The following KTI12 variants were observed in gnomAD, a reference collection of about 807,000 sequenced individuals.
The protein encoded by KTI12 is KTI12 chromatin associated homolog.
A neutral mutation model predicts 8.8 loss-of-function variants in KTI12; 8 were observed. The ratio of observed to expected loss-of-function variants is 0.91; its 90% CI spans 0.53 to 1.64. KTI12 has a LOEUF of 1.64. Among genes scored for constraint, KTI12 ranks in the 40% most tolerant of loss-of-function variants. The pLI is 0.00. For missense variants in KTI12, 490 were observed against 492.1 expected (o/e 1.00, Z 0.04); for synonymous variants, 216 against 220.1 (o/e 0.98, Z 0.17).
Position 52,033,732 on chromosome 1 carries a change from C to T in KTI12, c.30G>A (p.Pro10=), listed in dbSNP as rs775689510. Residue 10 remains proline, a synonymous_variant, in exon 1 of 1, where the codon CCG becomes CCA. Coordinates refer to ENST00000371614, the MANE Select transcript of KTI12 (RefSeq NM_138417.3). MPLVVFCGL[P]YSGKSRRAEE... is the part of the protein sequence containing the mutation. ...CAGCACGCCGGCTCTTGCCGCTGTA[C>T]GGCAGCCCGCAAAACACCACGAGCG... 3.7e-6 allele frequency: 6 copies of T among 1,606,404 alleles called. No individual in the cohort carries two copies. The highest frequency in any genetic ancestry group is 2.7e-5 in the African/African-American group (2 of 74,936).
rs574449882 is a variant in KTI12, at chr1:52,033,081, C to T, written c.681G>A (p.Arg227=). ...EAPDSRNRWD[R]PLFTLVGLEE... ...CTAGGCCCACCAAAGTGAATAAAGG[C>T]CGGTCCCAGCGATTCCGAGAATCGG... The change falls in exon 1 of 1, where the codon CGG becomes CGA. Residue 227 remains arginine, a synonymous_variant. Transcript: ENST00000371614. 6.2e-7 allele frequency: 1 copy of T among 1,607,574 alleles called. No homozygotes were observed. Among genetic ancestry groups the T allele is most frequent in the East Asian group, 2.2e-5 (1 of 44,878 alleles).
rs1283343602 is a variant in KTI12, at chr1:52,032,988, C to T, written c.774G>A (p.Gln258=). Residue 258 remains glutamine (Q), a synonymous_variant, in exon 1 of 1, where the codon CAG becomes CAA. Transcript: ENST00000371614. ...AGGCGAGGGGCTGGGACTGCGTAGA[C>T]TGATGGGGTGGTGGGGCCCGGTTCT... The part of the protein sequence containing the change: ...LFENRAPPPH[Q]STQSQPLASG... 6.4e-7 allele frequency: 1 copy of T among 1,567,032 alleles called. No individual in the cohort carries two copies.
Position 52,032,566 on chromosome 1 carries a change from G to A in KTI12, c.*131C>T, listed in dbSNP as rs1001940561. 2.1e-6 allele frequency: 3 copies of A among 1,413,718 alleles called. No individual in the cohort carries two copies. Among genetic ancestry groups the A allele is most frequent in the East Asian group, 2.5e-5 (1 of 39,406 alleles). 87.6% of individuals were successfully genotyped at this position (1,413,718 alleles called of 1,614,324 possible). A position where few individuals can be genotyped will look rare whatever the true frequency, so the allele number is the denominator to read the frequency against. On this transcript the variant is annotated 3_prime_UTR_variant, in exon 1 of 1. Coordinates refer to ENST00000371614, the MANE Select transcript of KTI12 (RefSeq NM_138417.3). Reference sequence around the variant, plus strand: ...GGCACAGGGGTATGCAGGAAAGTTTGAGTGAATCAGTCACAACAGCTCTAG... The same window carrying A: ...GGCACAGGGGTATGCAGGAAAGTTTAAGTGAATCAGTCACAACAGCTCTAG...
chr1:52,032,889 G>A lies in KTI12; in HGVS notation c.873C>T (p.Ser291=), dbSNP rs139211822. 62 of 1,613,300 alleles carry A rather than the reference G, an allele frequency of 3.8e-5. No homozygotes were observed. The African/African-American group carries it at 7.6e-4, about 20-fold the overall frequency. ...GCGTGAGCAAGTCCCCGGGGACAGC[G>A]CTCTTCTGCGCTTCCATCAATCCGG... The part of the protein sequence containing the change: ...VLAGLMEAQK[S]AVPGDLLTLP... The change falls in exon 1 of 1, where the codon AGC becomes AGT. Residue 291 remains serine, a synonymous_variant. Transcript: ENST00000371614.
At position 52,032,909 on chromosome 1, in the gene KTI12, A is replaced by T; in HGVS notation, c.853T>A (p.Leu285Met). The change falls in exon 1 of 1, where the codon TTG (leucine) becomes ATG (methionine). Residue 285 changes from leucine to methionine, a missense_variant. By Grantham distance (15) the Leu-to-Met change is conservative. Transcript: ENST00000371614. ...ACAGCGCTCTTCTGCGCTTCCATCA[A>T]TCCGGCCAGTACTTGACTCGTGACC... is the stretch of plus-strand genomic sequence containing the variant. Reference protein sequence around the residue: ...DQVTSQVLAGLMEAQKSAVPG... With the variant: ...DQVTSQVLAGMMEAQKSAVPG... The T allele has an allele frequency of 1.2e-6, 2 of 1,612,304 alleles. No homozygotes were observed. Among genetic ancestry groups the T allele is most frequent in the Non-Finnish European group, 1.7e-6 (2 of 1,179,236 alleles).
rs758378678 is a variant in KTI12 at position 52,033,696 on chromosome 1, G to A, written c.66C>T (p.Arg22=). Residue 22 remains arginine (R), a synonymous_variant, in exon 1 of 1, where the codon CGC becomes CGT. Coordinates refer to ENST00000371614, the MANE Select transcript of KTI12 (RefSeq NM_138417.3). ...SGKSRRAEEL[R]VALAAEGRAV... ...CGCGGCCCTCGGCAGCCAGCGCCAC[G>A]CGCAACTCTTCAGCACGCCGGCTCT... 8 of 1,611,188 alleles carry A rather than the reference G, an allele frequency of 5.0e-6. No individual in the cohort carries two copies. The highest frequency in any genetic ancestry group is 3.3e-5 in the South Asian group (3 of 90,992).
chr1:52,032,490 A>C lies in KTI12; in HGVS notation c.*207T>G. On this transcript the variant is annotated 3_prime_UTR_variant, in exon 1 of 1. Transcript: ENST00000371614. ...TGAGGGATTTGCCAGGTTGCACCAC[A>C]ATAGTTCTCCATTCTCTTTAGTCTG... The C allele has an allele frequency of 7.4e-7, 1 of 1,344,200 alleles. No homozygotes were observed. The highest frequency in any genetic ancestry group is 2.1e-5 in the South Asian group (1 of 46,840). 83.3% of individuals were successfully genotyped at this position (1,344,200 alleles called of 1,614,324 possible).
chr1:52,033,620 C>A lies in KTI12; in HGVS notation c.142G>T (p.Val48Leu). ...TTCTCACGGGCAGAATCGCCGTACA[C>A]CGCTGGGTCCTCTGCGCCCAGGACA... ...AAVLGAEDPAVYGDSAREKAL... is the reference protein window; with the variant it reads ...AAVLGAEDPALYGDSAREKAL... Residue 48 changes from valine to leucine, a missense_variant, in exon 1 of 1, where the codon GTG becomes TTG. Transcript: ENST00000371614. 1 of 1,612,524 alleles carries A rather than the reference C, an allele frequency of 6.2e-7. No homozygotes were observed. Among genetic ancestry groups the A allele is most frequent in the Non-Finnish European group, 8.5e-7 (1 of 1,179,910 alleles).
chr1:52,033,237 C>T lies in KTI12; in HGVS notation c.525G>A (p.Glu175=). Residue 175 remains glutamate, a synonymous_variant, in exon 1 of 1, where the codon GAG becomes GAA. Coordinates refer to ENST00000371614, the MANE Select transcript of KTI12 (RefSeq NM_138417.3). ...ACTCCGCAGCCCCGGATTCTTCTCG[C>T]TCCAGTTCCTTGGGTACGTCGGCCT... The part of the protein sequence containing the change: ...SAQADVPKEL[E]REESGAAESP... 2 of 1,614,066 alleles carry T rather than the reference C, an allele frequency of 1.2e-6. No individual in the cohort carries two copies. The highest frequency in any genetic ancestry group is 1.7e-6 in the Non-Finnish European group (2 of 1,179,974).
chr1:52,033,752 C>A lies in KTI12; in HGVS notation c.10G>T (p.Val4Leu). ...CTGTACGGCAGCCCGCAAAACACCA[C>A]GAGCGGCATCCTCTCAGGGAGCGAC... The part of the protein sequence containing the change: MPL[V>L]VFCGLPYSGK... Residue 4 changes from valine to leucine, a missense_variant, in exon 1 of 1, where the codon GTG becomes TTG. By Grantham distance (32) the Val-to-Leu change is conservative. Transcript: ENST00000371614. 6.3e-7 allele frequency: 1 copy of A among 1,597,610 alleles called. No homozygotes were observed. The highest frequency in any genetic ancestry group is 8.5e-7 in the Non-Finnish European group (1 of 1,171,184).
rs1557993098 is a variant in KTI12 at position 52,033,171 on chromosome 1, CT to C, written c.590del (p.Lys197SerfsTer16). Reference sequence around the variant, plus strand: ...GAGAGTAAAAGGCACCGGACCCATGCTTTGCAGATTTCTCTGAATCCGGAGT... The same window carrying C: ...GAGAGTAAAAGGCACCGGACCCATGCTTGCAGATTTCTCTGAATCCGGAGT... The part of the protein sequence containing the change: ...LVTPDSEKSA[K>X]HGSGAFYSPE... On this transcript the variant is annotated frameshift_variant, in exon 1 of 1. Transcript: ENST00000371614. LOFTEE classifies it high-confidence loss of function. 10 of 1,614,244 alleles carry C rather than the reference CT, an allele frequency of 6.2e-6. No individual in the cohort carries two copies. The highest frequency in any genetic ancestry group is 3.3e-5 in the Admixed American group (2 of 60,036).
rs1685780222 is a variant in KTI12, at chr1:52,032,471, A to ACAG, written c.*225_*226insCTG. 1 of 1,312,054 alleles carries ACAG rather than the reference A, an allele frequency of 7.6e-7. No homozygotes were observed. The highest frequency in any genetic ancestry group is 3.7e-5 in the Admixed American group (1 of 27,376). The allele number at this position is 1,312,054 out of a possible 1,614,324, so 81.3% of individuals were successfully genotyped here. A position where few individuals can be genotyped will look rare whatever the true frequency, so the allele number is the denominator to read the frequency against. On this transcript the variant is annotated 3_prime_UTR_variant, in exon 1 of 1. Coordinates refer to ENST00000371614, the MANE Select transcript of KTI12 (RefSeq NM_138417.3). ...CCACCTTAGCTCTGTCCTCTGAGGG[A>ACAG]TTTGCCAGGTTGCACCACAATAGTT...
Position 52,032,400 on chromosome 1 carries a change from A to G in KTI12, c.*297T>C, listed in dbSNP as rs2124368190. 8.7e-7 allele frequency: 1 copy of G among 1,147,880 alleles called. No individual in the cohort carries two copies. Among genetic ancestry groups the G allele is most frequent in the Middle Eastern group, 3.6e-4 (1 of 2,740 alleles). The allele number at this position is 1,147,880 out of a possible 1,614,324, so 71.1% of individuals were successfully genotyped here. Reference sequence around the variant, plus strand: ...CTCAGATGAGGGAAGCCAATGGTCAATGCTCTGTGATAGCCCAAGTAGGAT... The same window carrying G: ...CTCAGATGAGGGAAGCCAATGGTCAGTGCTCTGTGATAGCCCAAGTAGGAT... On this transcript the variant is annotated 3_prime_UTR_variant, in exon 1 of 1. Transcript: ENST00000371614.
Position 52,033,504 on chromosome 1 carries a change from A to C in KTI12, c.258T>G (p.Gly86=), listed in dbSNP as rs773508387. The C allele has an allele frequency of 1.9e-6, 3 of 1,613,828 alleles. No homozygotes were observed. Among genetic ancestry groups the C allele is most frequent in the Non-Finnish European group, 2.5e-6 (3 of 1,179,884 alleles). ...CCAGGCAGTAGAGCTCGTAACGGAA[A>C]CCTTTGATGTAGTTAAGCGAGTCCA... ...VILDSLNYIK[G]FRYELYCLAR... is the part of the protein sequence containing the mutation. Residue 86 remains glycine (G), a synonymous_variant, in exon 1 of 1, where the codon GGT becomes GGG. Coordinates refer to ENST00000371614, the MANE Select transcript of KTI12 (RefSeq NM_138417.3).
rs368471325 is a variant in KTI12, at chr1:52,032,576, G to C, written c.*121C>G. On this transcript the variant is annotated 3_prime_UTR_variant, in exon 1 of 1. Transcript: ENST00000371614. ...TATGCAGGAAAGTTTGAGTGAATCAGTCACAACAGCTCTAGTACAGTACTG... is the reference window on the plus strand; with the variant it reads ...TATGCAGGAAAGTTTGAGTGAATCACTCACAACAGCTCTAGTACAGTACTG... 1.4e-5 allele frequency: 20 copies of C among 1,431,100 alleles called. No homozygotes were observed. In the African/African-American group the frequency reaches 2.1e-4, roughly 15 times the overall value. 88.7% of individuals were successfully genotyped at this position (1,431,100 alleles called of 1,614,324 possible). A position where few individuals can be genotyped will look rare whatever the true frequency, so the allele number is the denominator to read the frequency against.
In KTI12 at chr1:52,033,595, T is replaced by G; in HGVS notation, c.167A>C (p.Lys56Thr). 6.2e-7 allele frequency: 1 copy of G among 1,613,350 alleles called. No homozygotes were observed. The highest frequency in any genetic ancestry group is 8.5e-7 in the Non-Finnish European group (1 of 1,179,926). ...GGCTCGCAGAGCTCCACGCAATGCCTTCTCACGGGCAGAATCGCCGTACAC... is the reference window on the plus strand; with the variant it reads ...GGCTCGCAGAGCTCCACGCAATGCCGTCTCACGGGCAGAATCGCCGTACAC... Reference protein sequence around the residue: ...PAVYGDSAREKALRGALRASV... With the variant: ...PAVYGDSARETALRGALRASV... Residue 56 changes from lysine (K) to threonine (T), a missense_variant, in exon 1 of 1, where the codon AAG (lysine) becomes ACG (threonine). Transcript: ENST00000371614.
In KTI12 at chr1:52,033,581, C is replaced by G. The variant is rs78835924; in HGVS notation, c.181G>C (p.Ala61Pro). Residue 61 changes from alanine to proline, a missense_variant, in exon 1 of 1, where the codon GCT becomes CCT. Transcript: ENST00000371614. ...DSAREKALRG[A>P]LRASVERRLS... Reference sequence around the variant, plus strand: ...CGCCGTTCCACGGAGGCTCGCAGAGCTCCACGCAATGCCTTCTCACGGGCA... The same window carrying G: ...CGCCGTTCCACGGAGGCTCGCAGAGGTCCACGCAATGCCTTCTCACGGGCA... 1 of 1,613,624 alleles carries G rather than the reference C, an allele frequency of 6.2e-7. No homozygotes were observed. Among genetic ancestry groups the G allele is most frequent in the African/African-American group, 1.3e-5 (1 of 75,072 alleles).
At position 52,032,470 on chromosome 1, in the gene KTI12, G is replaced by A; in HGVS notation, c.*227C>T. 2 of 1,312,772 alleles carry A rather than the reference G, an allele frequency of 1.5e-6. No homozygotes were observed. Among genetic ancestry groups the A allele is most frequent in the Non-Finnish European group, 1.9e-6 (2 of 1,034,698 alleles). 81.3% of individuals were successfully genotyped at this position (1,312,772 alleles called of 1,614,324 possible). A position where few individuals can be genotyped will look rare whatever the true frequency, so the allele number is the denominator to read the frequency against. ...TCCACCTTAGCTCTGTCCTCTGAGG[G>A]ATTTGCCAGGTTGCACCACAATAGT... On this transcript the variant is annotated 3_prime_UTR_variant, in exon 1 of 1. Transcript: ENST00000371614.
chr1:52,033,113 C>G lies in KTI12; in HGVS notation c.649G>C (p.Glu217Gln), dbSNP rs748747226. The G allele has an allele frequency of 1.9e-6, 3 of 1,613,060 alleles. No homozygotes were observed. Among genetic ancestry groups the G allele is most frequent in the Non-Finnish European group, 2.5e-6 (3 of 1,179,760 alleles). ...CAGCGATTCCGAGAATCGGGAGCCT[C>G]AAAGCGCAGCGTTAGGGCCTCCAGG... ...ELLEALTLRFEAPDSRNRWDR... is the reference protein window; with the variant it reads ...ELLEALTLRFQAPDSRNRWDR... The change falls in exon 1 of 1, where the codon GAG becomes CAG. Residue 217 changes from glutamate to glutamine, a missense_variant. Physicochemically the swap from Glu to Gln is conservative, Grantham distance 29 (BLOSUM62 2). Coordinates refer to ENST00000371614, the MANE Select transcript of KTI12 (RefSeq NM_138417.3).
Sources: gnomAD v4.1 joint callset for allele counts on GRCh38, gnomAD v4.1.1 for gene constraint, MANE v1.5 for transcripts, NCBI Gene and HGNC (gene_info 2026-07-23, HGNC 2026-07-21) for gene names.